EYS: variants seen among roughly 807,000 people sequenced by gnomAD.
The protein encoded by EYS is protein eyes shut homolog.
Under a neutral mutation model 282.1 loss-of-function variants are expected in EYS, and 250 were observed. The observed-to-expected ratio is 0.89, with a 90% CI of 0.80 to 0.98. The LOEUF (loss-of-function observed/expected upper bound fraction) is 0.98. Among genes scored for constraint, EYS ranks in the 50% least tolerant of loss-of-function variants. The pLI, the probability that EYS is intolerant of heterozygous loss-of-function variation, is 0.00. For missense variants in EYS, 4,016 were observed against 3,709.0 expected (o/e 1.08, Z -2.15); for synonymous variants, 1,355 against 1,282.9 (o/e 1.06, Z -1.20).
At chr6:64,544,580 C>A (rs1261518877) in intron 26 of EYS, among the ~76,000 whole-genome samples, 4 of 151,944 alleles carry the variant, frequency 2.6e-5, no homozygotes, top group African/African-American at 7.3e-5. Context: ...ATGAATCCAG[C>A]AGCTGGTTTT....
At chr6:65,023,111 A>G (rs559790587) in intron 13 of EYS, among the ~76,000 whole-genome samples, 3 of 152,296 alleles carry the variant, frequency 2.0e-5, no homozygotes, top group Non-Finnish European at 4.4e-5. Context: ...GTTTGTGAAT[A>G]TCCTAAAATC....
intron 35 of EYS, among the ~76,000 whole-genome samples, chr6:63,868,573 T>C (rs1056119328): frequency 1.3e-5 from 2 of 152,172 alleles, no homozygotes; most frequent in Admixed American, 1.3e-4. Flanking sequence ...TGAATCCTTA[T>C]GAATAATGTC....
chr6:63,867,675 G>A (rs556203790), intron 35 of EYS, among the ~76,000 whole-genome samples: 7 of 152,230 alleles, frequency 4.6e-5, no homozygotes, highest in African/African-American at 1.7e-4. Flanking sequence ...AGTATTTTAA[G>A]GCCTTAGCTC....
chr6:64,892,399 C>A (rs1359220546), intron 18 of EYS, among the ~76,000 whole-genome samples: 1 of 151,800 alleles, frequency 6.6e-6, no homozygotes, highest in South Asian at 2.1e-4. Flanking sequence ...TTAAATCATA[C>A]TTGTTTCAGT....
intron 19 of EYS, among the ~76,000 whole-genome samples, chr6:64,859,698 T>C (rs1428969830): frequency 6.6e-6 from 1 of 152,222 alleles, no homozygotes; most frequent in African/African-American, 2.4e-5. Flanking sequence ...CCCCTGTGAT[T>C]GTGAGGCCTC....
intron 19 of EYS, among the ~76,000 whole-genome samples, chr6:64,838,433 C>A (rs562216358): frequency 1.3e-5 from 2 of 151,906 alleles, no homozygotes; most frequent in Non-Finnish European, 2.9e-5. Flanking sequence ...TCTATCTATT[C>A]TTTTGCCTAG....
intron 2 of EYS, among the ~76,000 whole-genome samples, chr6:65,593,000 G>A (rs369358689): frequency 1.3e-5 from 2 of 151,962 alleles, no homozygotes; most frequent in African/African-American, 4.8e-5. Flanking sequence ...AGCAATAGGA[G>A]TCAATGTTGA....
intron 12 of EYS, among the ~76,000 whole-genome samples, chr6:65,204,813 A>ATATTTATATATTCTGGAAGAACG (rs1562021049): frequency 7.4e-6 from 1 of 135,654 alleles, no homozygotes. Flanking sequence ...CTGGAAGAAC[A>ATATTTATATATTCTGGAAGAACG]TATTTATATA....
intron 2 of EYS, among the ~76,000 whole-genome samples, chr6:65,601,362 G>A (rs1209338161): frequency 6.6e-6 from 1 of 151,772 alleles, no homozygotes; most frequent in Non-Finnish European, 1.5e-5. Flanking sequence ...ATGAAACCTT[G>A]TATAAATCCC....
At chr6:65,603,286 A>G (rs1045832205) in intron 2 of EYS, among the ~76,000 whole-genome samples, 2 of 151,914 alleles carry the variant, frequency 1.3e-5, no homozygotes, top group African/African-American at 4.8e-5. Context: ...TCACCAATGA[A>G]AGAGAGGTGA....
At chr6:64,213,510 A>G (rs1275466523) in intron 31 of EYS, among the ~76,000 whole-genome samples, 2 of 152,220 alleles carry the variant, frequency 1.3e-5, no homozygotes, top group Non-Finnish European at 1.5e-5. Flanking sequence ...TATAAGTGTT[A>G]TATTTGTCAA....
At chr6:64,642,304 CT>C (rs1195788801) in intron 22 of EYS, among the ~76,000 whole-genome samples, 1 of 152,090 alleles carries the variant, frequency 6.6e-6, no homozygotes, top group Non-Finnish European at 1.5e-5. Context: ...TCTTAATAAA[CT>C]TTTTTAATAA....
At chr6:65,457,664 C>T (rs935877806) in intron 5 of EYS, among the ~76,000 whole-genome samples, 1 of 152,098 alleles carries the variant, frequency 6.6e-6, no homozygotes, top group Non-Finnish European at 1.5e-5. Flanking sequence ...CTAGCACACT[C>T]TGACGAATAA....
At chr6:64,735,381 C>G (rs1056863104) in intron 22 of EYS, among the ~76,000 whole-genome samples, 1 of 152,196 alleles carries the variant, frequency 6.6e-6, no homozygotes, top group African/African-American at 2.4e-5. Flanking sequence ...CCGTGCCCGG[C>G]CAGTTTTCTG....
At chr6:65,035,479 A>G (rs1024299769) in intron 13 of EYS, among the ~76,000 whole-genome samples, 1 of 152,170 alleles carries the variant, frequency 6.6e-6, no homozygotes, top group Non-Finnish European at 1.5e-5. Flanking sequence ...AAACAACTTC[A>G]GTAAAGTTTC....
intron 14 of EYS, among the ~76,000 whole-genome samples, chr6:64,947,811 A>G (rs1769340320): frequency 6.6e-6 from 1 of 151,872 alleles, no homozygotes; most frequent in South Asian, 2.1e-4. Flanking sequence ...CATCCCACTC[A>G]GTAGCATAAA....
chr6:65,690,726 C>A (rs910845023), intron 1 of EYS, among the ~76,000 whole-genome samples: 3 of 150,072 alleles, frequency 2.0e-5, no homozygotes, highest in African/African-American at 7.3e-5. Flanking sequence ...GCTATCCCTC[C>A]TCTAGCCCCC....
At chr6:65,219,884 T>A (rs1282082441) in intron 12 of EYS, among the ~76,000 whole-genome samples, 1 of 152,112 alleles carries the variant, frequency 6.6e-6, no homozygotes, top group Admixed American at 6.6e-5. Flanking sequence ...TGAGGCTTAT[T>A]CACTACCATG....
At chr6:65,663,741 G>A (rs550354022) in intron 1 of EYS, among the ~76,000 whole-genome samples, 19 of 152,264 alleles carry the variant, frequency 1.2e-4, no homozygotes, top group Non-Finnish European at 2.2e-4. Flanking sequence ...GAGTGCAGTG[G>A]CACGATCTCA....
Sources: allele counts gnomAD v4.1 joint callset (sites outside exome capture counted in the v4.1 genomes callset), GRCh38; gene constraint gnomAD v4.1.1; transcripts MANE v1.5; gene names NCBI Gene and HGNC (gene_info 2026-07-23, HGNC 2026-07-21).